SLFNL1: variants seen among roughly 807,000 people sequenced by gnomAD.
SLFNL1 encodes the protein schlafen like 1.
A neutral mutation model predicts 32.5 loss-of-function variants in SLFNL1; 26 were observed. The ratio of observed to expected loss-of-function variants is 0.80; its 90% CI spans 0.59 to 1.11. The LOEUF (loss-of-function observed/expected upper bound fraction) is 1.11, where lower values mean the gene tolerates loss of function less well. Among genes scored for constraint, SLFNL1 ranks in the 50% least tolerant of loss-of-function variants. SLFNL1 has a pLI of 0.00. For missense variants in SLFNL1, 553 were observed against 546.5 expected, an observed-to-expected ratio of 1.01 and a Z score of -0.12; for synonymous variants, 255 against 242.2, an observed-to-expected ratio of 1.05 and a Z score of -0.49.
Position 41,018,133 on chromosome 1 carries a change from GTCCTCCTCC to G in SLFNL1, c.450_458del (p.Glu150_Glu152del), listed in dbSNP as rs751622686. ...GACTGGGGCCAGGGCTCAGGCCACT[GTCCTCCTCC>G]TCCTCCTCCTTCTCCTAGGGTGGTA... On this transcript the variant is annotated inframe_deletion, in exon 4 of 6. Transcript: ENST00000302946. 1.1e-4 allele frequency: 162 copies of G among 1,501,292 alleles called. No individual in the cohort carries two copies. The East Asian group carries it at 3.9e-3, about 36-fold the overall frequency. The allele number at this position is 1,501,292 out of a possible 1,614,324, so 93.0% of individuals were successfully genotyped here.
At position 41,017,686 on chromosome 1, in the gene SLFNL1, AG is replaced by A; in HGVS notation, c.905del (p.Thr302IlefsTer7). ...TACTGATCACAGGGATGAAGGTGAG[AG>A]TGTAGGCATCGGGAAAGATCTGAGG... The part of the protein sequence containing the change: ...FKPQIFPDAY[T>X]LTFIPVISTS... On this transcript the variant is annotated frameshift_variant, in exon 4 of 6. Transcript: ENST00000302946. LOFTEE classifies it high-confidence loss of function. The surrounding 1 kb of genome is among the most constrained non-coding windows in gnomAD (Gnocchi z 4.9). 6.4e-7 allele frequency: 1 copy of A among 1,569,662 alleles called. No homozygotes were observed. The highest frequency in any genetic ancestry group is 8.7e-7 in the Non-Finnish European group (1 of 1,153,990).
intron 3 of SLFNL1, among the ~76,000 whole-genome samples, chr1:41,018,627 G>A (rs939158283): frequency 2.6e-5 from 4 of 152,036 alleles, no homozygotes; most frequent in Non-Finnish European, 5.9e-5. Flanking sequence ...TCAAACCTTT[G>A]CCCACTACTT....
intron 3 of SLFNL1, among the ~76,000 whole-genome samples, chr1:41,019,524 G>A (rs1307123232): frequency 6.6e-6 from 1 of 152,100 alleles, no homozygotes; most frequent in African/African-American, 2.4e-5. Flanking sequence ...AGCACCCCCT[G>A]CAGCCTTTAG....
Position 41,017,215 on chromosome 1 carries a change from C to CT in SLFNL1, c.1101+18dup. ...GGTCAGCTCCGCTCCACCCCACCCA[C>CT]TGGCCTCAGCTTCCGTACCTGCCTG... On this transcript the variant is annotated intron_variant, in intron 5 of 5. Transcript: ENST00000302946. The surrounding 1 kb of genome is among the most constrained non-coding windows in gnomAD (Gnocchi z 4.9). 1 of 1,542,140 alleles carries CT rather than the reference C, an allele frequency of 6.5e-7. No individual in the cohort carries two copies. Among genetic ancestry groups the CT allele is most frequent in the East Asian group, 2.4e-5 (1 of 41,206 alleles).
chr1:41,018,148 C>T lies in SLFNL1; in HGVS notation c.444G>A (p.Glu148=). ...QGPFSHREEK[E]EEEEDSGLSP... ...TCAGGCCACTGTCCTCCTCCTCCTCCTCCTTCTCCTAGGGTGGTAGTCAAG... is the reference window on the plus strand; with the variant it reads ...TCAGGCCACTGTCCTCCTCCTCCTCTTCCTTCTCCTAGGGTGGTAGTCAAG... The change falls in exon 4 of 6, where the codon GAG becomes GAA. Residue 148 remains glutamate (E), a synonymous_variant. Transcript: ENST00000302946. The T allele has an allele frequency of 6.7e-7, 1 of 1,487,406 alleles. No homozygotes were observed. Among genetic ancestry groups the T allele is most frequent in the South Asian group, 1.3e-5 (1 of 77,174 alleles). 92.1% of individuals were successfully genotyped at this position (1,487,406 alleles called of 1,614,324 possible).
In SLFNL1 at chr1:41,017,487, G is replaced by C; in HGVS notation, c.958-110C>G. ...CTGATTCCTTAGGGCAGGCCAGCAG[G>C]GCTGGCACAGGGGCCATCCCCAGCC... is the stretch of plus-strand genomic sequence containing the variant. On this transcript the variant is annotated intron_variant, in intron 4 of 5. Transcript: ENST00000302946. This position sits in a 1 kb window ranked among gnomAD's most constrained non-coding sequence, Gnocchi z 4.9. The C allele has an allele frequency of 2.7e-6, 4 of 1,503,772 alleles. No individual in the cohort carries two copies. In the Admixed American group the frequency reaches 6.4e-5, roughly 24 times the overall value. 93.2% of individuals were successfully genotyped at this position (1,503,772 alleles called of 1,614,324 possible). A position where few individuals can be genotyped will look rare whatever the true frequency, so the allele number is the denominator to read the frequency against.
chr1:41,016,119 C>T lies in SLFNL1; in HGVS notation c.1211G>A (p.Cys404Tyr), dbSNP rs760632146. ...LQQHGPVSCT[C>Y]CVL ...TCCCCAGGGCCCTCACAGGACACAG[C>T]AGGTGCAGGACACAGGCCCGTGCTG... is the stretch of plus-strand genomic sequence containing the variant. Residue 404 changes from cysteine to tyrosine, a missense_variant, in exon 6 of 6, where the codon TGC becomes TAC. Physicochemically the swap from Cys to Tyr is radical, Grantham distance 194. Coordinates refer to ENST00000302946, the MANE Select transcript of SLFNL1 (RefSeq NM_144990.4). 1.9e-6 allele frequency: 3 copies of T among 1,613,690 alleles called. No homozygotes were observed. Among genetic ancestry groups the T allele is most frequent in the Middle Eastern group, 1.7e-4 (1 of 6,054 alleles).
chr1:41,016,412 G>C, intron 5 of SLFNL1, 184 bp from the exon 6 acceptor site: 1 of 883,134 alleles, frequency 1.1e-6, no homozygotes, highest in South Asian at 1.8e-5. Context: ...GAGGGAAGCT[G>C]CCGGCTGCCA....
At chr1:41,019,466 C>G (rs1170800907) in intron 3 of SLFNL1, among the ~76,000 whole-genome samples, 1 of 152,168 alleles carries the variant, frequency 6.6e-6, no homozygotes, top group African/African-American at 2.4e-5. Context: ...GGATGATAGC[C>G]TTGGTGACCT....
In SLFNL1 at chr1:41,016,519, C is replaced by G. The variant is rs1356295792; in HGVS notation, c.1102-291G>C. 3.0e-5 allele frequency: 12 copies of G among 400,956 alleles called. No homozygotes were observed. In the East Asian group the frequency reaches 5.0e-4, roughly 17 times the overall value. 24.8% of individuals were successfully genotyped at this position (400,956 alleles called of 1,614,324 possible). ...TCTCTGTTTCCCTCTTGAAAAAGCT[C>G]TTCCTTGGGACTGTGTCTTGCCCCC... On this transcript the variant is annotated intron_variant, in intron 5 of 5. Transcript: ENST00000302946.
At position 41,016,217 on chromosome 1, in the gene SLFNL1, C is replaced by T. The variant is rs779660426; in HGVS notation, c.1113G>A (p.Val371=). 1.2e-6 allele frequency: 2 copies of T among 1,614,132 alleles called. No homozygotes were observed. Among genetic ancestry groups the T allele is most frequent in the East Asian group, 2.2e-5 (1 of 44,880 alleles). The stretch of plus-strand genomic sequence containing the variant: ...TCTTCTCTTCCAGCTTGCCCAGCTC[C>T]ACCAGCCACCTCTGAGGGGACATGG... ...IQEWCRQRWL[V]ELGKLEEKMK... is the part of the protein sequence containing the mutation. Residue 371 remains valine, a synonymous_variant, in exon 6 of 6, where the codon GTG becomes GTA. Transcript: ENST00000302946.
At position 41,018,210 on chromosome 1, in the gene SLFNL1, T is replaced by C. The variant is rs148667156; in HGVS notation, c.436-54A>G. 39 of 1,427,006 alleles carry C rather than the reference T, an allele frequency of 2.7e-5. No homozygotes were observed. The African/African-American group carries it at 3.3e-4, about 12-fold the overall frequency. 88.4% of individuals were successfully genotyped at this position (1,427,006 alleles called of 1,614,324 possible). A position where few individuals can be genotyped will look rare whatever the true frequency, so the allele number is the denominator to read the frequency against. On this transcript the variant is annotated intron_variant, in intron 3 of 5. Coordinates refer to ENST00000302946, the MANE Select transcript of SLFNL1 (RefSeq NM_144990.4). ...GGGTCCAGCCAGGAAATGGGAGCCCTGACCCTGAGAAGGACTGCAAGAACC... is the reference window on the plus strand; with the variant it reads ...GGGTCCAGCCAGGAAATGGGAGCCCCGACCCTGAGAAGGACTGCAAGAACC...
In SLFNL1 at chr1:41,015,958, G is replaced by A. The variant is rs1643289258; in HGVS notation, c.*148C>T. 3 of 1,082,106 alleles carry A rather than the reference G, an allele frequency of 2.8e-6. No homozygotes were observed. In the South Asian group the frequency reaches 4.8e-5, roughly 17 times the overall value. 67.0% of individuals were successfully genotyped at this position (1,082,106 alleles called of 1,614,324 possible). ...GGTCTGTCAGGGTTGAAGCCACATGGGTGCCTGCTCATGTGCCATGTTGAA... is the reference window on the plus strand; with the variant it reads ...GGTCTGTCAGGGTTGAAGCCACATGAGTGCCTGCTCATGTGCCATGTTGAA... On this transcript the variant is annotated 3_prime_UTR_variant, in exon 6 of 6. Coordinates refer to ENST00000302946, the MANE Select transcript of SLFNL1 (RefSeq NM_144990.4).
At position 41,016,066 on chromosome 1, in the gene SLFNL1, G is replaced by A. The variant is rs200327092; in HGVS notation, c.*40C>T. 9 of 1,591,608 alleles carry A rather than the reference G, an allele frequency of 5.7e-6. No homozygotes were observed. The highest frequency in any genetic ancestry group is 2.3e-5 in the East Asian group (1 of 43,678). On this transcript the variant is annotated 3_prime_UTR_variant, in exon 6 of 6. Transcript: ENST00000302946. ...CAAACAGGAAATCCCTGGGTCTCAG[G>A]TGGAGAGTGCCGTGCCGTCCTGCCT...
At chr1:41,021,036 G>A (rs1191306901) in intron 1 of SLFNL1, 166 bp from the exon 2 acceptor site, 1 of 215,090 alleles carries the variant, frequency 4.6e-6, no homozygotes. Context: ...CCACAGGCTA[G>A]GGGCCTCCTA....
At position 41,016,022 on chromosome 1, in the gene SLFNL1, T is replaced by G; in HGVS notation, c.*84A>C. Reference sequence around the variant, plus strand: ...GCCTCTCAGCAGCCCGCATGGGCTTTACTGGTTGGCCTTACACTCAAACAG... The same window carrying G: ...GCCTCTCAGCAGCCCGCATGGGCTTGACTGGTTGGCCTTACACTCAAACAG... On this transcript the variant is annotated 3_prime_UTR_variant, in exon 6 of 6. Transcript: ENST00000302946. 2 of 1,524,430 alleles carry G rather than the reference T, an allele frequency of 1.3e-6. No individual in the cohort carries two copies. Among genetic ancestry groups the G allele is most frequent in the South Asian group, 2.6e-5 (2 of 78,152 alleles). The allele number at this position is 1,524,430 out of a possible 1,614,324, so 94.4% of individuals were successfully genotyped here. A position where few individuals can be genotyped will look rare whatever the true frequency, so the allele number is the denominator to read the frequency against.
In SLFNL1 at chr1:41,017,771, C is replaced by A. The variant is rs770879895; in HGVS notation, c.821G>T (p.Ser274Ile). The A allele has an allele frequency of 6.2e-7, 1 of 1,607,292 alleles. No homozygotes were observed. Among genetic ancestry groups the A allele is most frequent in the South Asian group, 1.1e-5 (1 of 90,466 alleles). ...DSGLVQGIRC[S>I]HRDEDRARLL... is the part of the protein sequence containing the mutation. ...GCGTGCGCGGTCCTCGTCACGGTGG[C>A]TGCAGCGGATGCCCTGCACCAGGCC... Residue 274 changes from serine to isoleucine, a missense_variant, in exon 4 of 6, where the codon AGC becomes ATC. Physicochemically the swap from Ser to Ile is moderately radical, Grantham distance 142. Coordinates refer to ENST00000302946, the MANE Select transcript of SLFNL1 (RefSeq NM_144990.4). This position sits in a 1 kb window ranked among gnomAD's most constrained non-coding sequence, Gnocchi z 4.9.
intron 3 of SLFNL1, 77 bp from the exon 4 acceptor site, chr1:41,018,233 A>C: frequency 7.3e-7 from 1 of 1,375,306 alleles, no homozygotes; most frequent in Non-Finnish European, 9.5e-7. Context: ...GACTGCAAGA[A>C]CCCCCAGTCA....
rs773080616 is a variant in SLFNL1 at position 41,020,512 on chromosome 1, TAGAG to T, written c.145_148del (p.Leu49MetfsTer5). ...GAACTGGGGGTTCAGATGGCCCACA[TAGAG>T]AGTGTGCGCCGAGGGAGCCTCCTCG... On this transcript the variant is annotated frameshift_variant, in exon 3 of 6. Transcript: ENST00000302946. LOFTEE classifies it high-confidence loss of function. The T allele has an allele frequency of 7.3e-5, 117 of 1,613,300 alleles. 1 individual carries two copies. In the Middle Eastern group the frequency reaches 2.6e-3, roughly 36 times the overall value.
Sources: gnomAD v4.1 joint callset for allele counts (sites outside exome capture counted in the v4.1 genomes callset) on GRCh38, gnomAD v4.1.1 for gene constraint, Gnocchi (gnomAD v3.1) non-coding constraint, MANE v1.5 for transcripts, NCBI Gene and HGNC (gene_info 2026-07-23, HGNC 2026-07-21) for gene names.